Variants in RUVBL1 observed in about 807,000 individuals in gnomAD.
The protein encoded by RUVBL1 is ruvB-like 1.
In RUVBL1, 4 loss-of-function variants were observed where a neutral mutation model predicts 52.4. That is an observed-to-expected ratio of 0.08 (90% CI 0.04 to 0.17). The LOEUF (loss-of-function observed/expected upper bound fraction) is 0.17, where lower values mean the gene tolerates loss of function less well. RUVBL1 is among the 10% of genes least tolerant of loss of function. RUVBL1 has a pLI of 1.00. For synonymous variants in RUVBL1, 217 were observed against 214.4 expected (o/e 1.01, Z -0.10); for missense variants, 298 against 572.8 (o/e 0.52, Z 4.90).
intron 2 of RUVBL1, 75 bp from the exon 3 acceptor site, chr3:128,113,095 C>A (rs575527941): frequency 1.2e-5 from 19 of 1,533,516 alleles, no homozygotes; most frequent in African/African-American, 1.4e-5. Flanking sequence ...GCTACAGAAC[C>A]ACCAGGAACT....
At chr3:128,074,853 A>AAAAAAAAAAAAAC in intron 9 of RUVBL1, among the ~76,000 whole-genome samples, 1 of 151,746 alleles carries the variant, frequency 6.6e-6, no homozygotes, top group African/African-American at 2.4e-5. Flanking sequence ...AAAAAAAAAA[A>AAAAAAAAAAAAAC]AAAAAAAAAA....
intron 8 of RUVBL1, among the ~76,000 whole-genome samples, chr3:128,094,170 T>A (rs983522374): frequency 2.0e-5 from 3 of 151,954 alleles, no homozygotes; most frequent in African/African-American, 7.3e-5. Flanking sequence ...TTCAGAGAGG[T>A]CAAGGAACTC....
chr3:128,153,304 C>T lies in RUVBL1; in HGVS notation c.-141G>A. On this transcript the variant is annotated 5_prime_UTR_variant, in exon 1 of 10. Transcript: ENST00000464873. ...CCACGTGAGAGAGAAACCCTGCCTACGGTGACCTCCAGTTCCTAGACCACC... is the reference window on the plus strand; with the variant it reads ...CCACGTGAGAGAGAAACCCTGCCTATGGTGACCTCCAGTTCCTAGACCACC... 5 of 1,362,222 alleles carry T rather than the reference C, an allele frequency of 3.7e-6. No individual in the cohort carries two copies. In the South Asian group the frequency reaches 7.0e-5, roughly 19 times the overall value. The allele number at this position is 1,362,222 out of a possible 1,614,324, so 84.4% of individuals were successfully genotyped here.
intron 9 of RUVBL1, chr3:128,070,339 A>G (rs890287321): frequency 6.6e-6 from 1 of 152,236 alleles, no homozygotes; most frequent in Non-Finnish European, 1.5e-5. Context: ...GGTTGGGCTT[A>G]GAGTCTGCCT....
rs1943719765 is a variant in RUVBL1 at position 128,123,797 on chromosome 3, C to T, written c.-73G>A. ...GACAGTGCGCCCGGCGCCTGAGTTACCATGCGGCCGTTACTAGGGCAATTT... is the reference window on the plus strand; with the variant it reads ...GACAGTGCGCCCGGCGCCTGAGTTATCATGCGGCCGTTACTAGGGCAATTT... On this transcript the variant is annotated 5_prime_UTR_variant, in exon 1 of 11. Transcript: ENST00000322623. The T allele has an allele frequency of 7.3e-6, 11 of 1,497,138 alleles. No individual in the cohort carries two copies. The highest frequency in any genetic ancestry group is 2.8e-5 in the African/African-American group (2 of 72,092). 92.7% of individuals were successfully genotyped at this position (1,497,138 alleles called of 1,614,324 possible).
chr3:128,104,757 A>C lies in RUVBL1; in HGVS notation c.513+16T>G, dbSNP rs1012028554. On this transcript the variant is annotated intron_variant, in intron 4 of 10. Coordinates refer to ENST00000322623, the MANE Select transcript of RUVBL1 (RefSeq NM_003707.3). ...TGGGAGAGTCAAGGGAAAAGAGGCC[A>C]CATACATGTACTCACTTTCAACTGT... is the stretch of plus-strand genomic sequence containing the variant. The C allele has an allele frequency of 6.3e-7, 1 of 1,591,128 alleles. No individual in the cohort carries two copies. Among genetic ancestry groups the C allele is most frequent in the Middle Eastern group, 1.7e-4 (1 of 5,994 alleles).
chr3:128,152,630 T>C (rs538402195), intron 1 of RUVBL1, among the ~76,000 whole-genome samples: 21 of 152,288 alleles, frequency 1.4e-4, no homozygotes, highest in Non-Finnish European at 2.8e-4. Context: ...TGGTAAGATC[T>C]TGCTGAAATG....
Position 128,067,803 on chromosome 3 carries a change from T to C in RUVBL1, c.940-2583A>G, listed in dbSNP as rs1942029530. Reference sequence around the variant, plus strand: ...AGTAGATCAGCTGTGGGTATGAGAATCTGAATCCACACTGTAAAGTTAGAC... The same window carrying C: ...AGTAGATCAGCTGTGGGTATGAGAACCTGAATCCACACTGTAAAGTTAGAC... On this transcript the variant is annotated intron_variant, in intron 9 of 9. Transcript: ENST00000464873. This position sits in a 1 kb window ranked among gnomAD's most constrained non-coding sequence, Gnocchi z 4.1. The C allele has an allele frequency of 2.9e-6, 2 of 678,870 alleles. No homozygotes were observed. Among genetic ancestry groups the C allele is most frequent in the South Asian group, 1.8e-5 (1 of 55,790 alleles). The allele number at this position is 678,870 out of a possible 1,614,324, so 42.1% of individuals were successfully genotyped here.
intron 1 of RUVBL1, among the ~76,000 whole-genome samples, chr3:128,128,869 G>T (rs1943835713): frequency 6.6e-6 from 1 of 152,152 alleles, no homozygotes; most frequent in South Asian, 2.1e-4. Context: ...TCTAGCCAAG[G>T]CATCTTTACT....
chr3:128,140,513 G>T (rs1944007225), intron 1 of RUVBL1, among the ~76,000 whole-genome samples: 1 of 152,054 alleles, frequency 6.6e-6, no homozygotes. Flanking sequence ...AGATGATTTT[G>T]CTGACACCTT....
In RUVBL1 at chr3:128,082,376, A is replaced by G. The variant is rs1441542257; in HGVS notation, c.1211+107T>C. 5 of 800,240 alleles carry G rather than the reference A, an allele frequency of 6.2e-6. No individual in the cohort carries two copies. Among genetic ancestry groups the G allele is most frequent in the Non-Finnish European group, 8.6e-6 (4 of 466,756 alleles). 49.6% of individuals were successfully genotyped at this position (800,240 alleles called of 1,614,324 possible). A position where few individuals can be genotyped will look rare whatever the true frequency, so the allele number is the denominator to read the frequency against. The stretch of plus-strand genomic sequence containing the variant: ...ATCGCGCCAGGAAGAGCGGATGGAT[A>G]GAGTCCCATGCCCTAGGAAGGGACC... On this transcript the variant is annotated intron_variant, in intron 10 of 10. Coordinates refer to ENST00000322623, the MANE Select transcript of RUVBL1 (RefSeq NM_003707.3). The surrounding 1 kb of genome is among the most constrained non-coding windows in gnomAD (Gnocchi z 4.7).
intron 9 of RUVBL1, chr3:128,070,271 C>G (rs1374981636): frequency 6.6e-6 from 1 of 152,292 alleles, no homozygotes; most frequent in Non-Finnish European, 1.5e-5. Context: ...CCAGAAGACA[C>G]TCCTGGCCAT....
chr3:128,112,230 T>C (rs1943410778), intron 3 of RUVBL1, among the ~76,000 whole-genome samples: 1 of 152,214 alleles, frequency 6.6e-6, no homozygotes, highest in Admixed American at 6.5e-5. Context: ...GCAACGGCTC[T>C]AGAAATGAGA....
In RUVBL1 at chr3:128,134,458, C is replaced by CA. The variant is rs55972505; in HGVS notation, c.-39-15045dup. 8.0e-3 allele frequency among the ~76,000 whole-genome samples: 860 copies of CA among 107,564 alleles called. 19 individuals are homozygous for CA. The highest frequency in any genetic ancestry group is 0.024 in the African/African-American group (669 of 27,354). The allele number at this position is 107,564 out of a possible 152,430, so 70.6% of individuals were successfully genotyped here. A position where few individuals can be genotyped will look rare whatever the true frequency, so the allele number is the denominator to read the frequency against. Reference sequence around the variant, plus strand: ...GCCTGGGCAACAAGAGTGAAACTGTCAAAAAAAAAAAAAAAAAAGACAGGC... The same window carrying CA: ...GCCTGGGCAACAAGAGTGAAACTGTCAAAAAAAAAAAAAAAAAAAGACAGGC... On this transcript the variant is annotated intron_variant, in intron 1 of 9. Coordinates refer to the RUVBL1 transcript ENST00000464873.
chr3:128,133,985 C>T (rs567705330), intron 1 of RUVBL1, among the ~76,000 whole-genome samples: 4 of 152,016 alleles, frequency 2.6e-5, no homozygotes, highest in South Asian at 2.1e-4. Context: ...TTTGAGGAAG[C>T]GCAACGAAAT....
chr3:128,074,237 G>A (rs1392316746), intron 9 of RUVBL1, among the ~76,000 whole-genome samples: 2 of 152,132 alleles, frequency 1.3e-5, no homozygotes, highest in Non-Finnish European at 2.9e-5. Context: ...GGATCCACAG[G>A]GTGGCATTTT....
At chr3:128,105,854 TTTCC>T (rs1289754632) in intron 3 of RUVBL1, among the ~76,000 whole-genome samples, 22 of 144,252 alleles carry the variant, frequency 1.5e-4, no homozygotes, top group African/African-American at 5.5e-4. Flanking sequence ...TCTTTCTTTC[TTTCC>T]CTTTTTCTTT....
intron 1 of RUVBL1, among the ~76,000 whole-genome samples, chr3:128,152,528 G>A (rs564924252): frequency 5.2e-4 from 79 of 152,070 alleles, no homozygotes; most frequent in Non-Finnish European, 2.8e-4. Context: ...TCTCTGAAAT[G>A]GTCTGGTTCA....
chr3:128,081,490 C>G lies in RUVBL1; in HGVS notation c.1212-81G>C. Reference sequence around the variant, plus strand: ...CTTCCCCCCACATCAGTAGGCAGCACTGGCACCAGGAGCAGAGCCCAGTGC... The same window carrying G: ...CTTCCCCCCACATCAGTAGGCAGCAGTGGCACCAGGAGCAGAGCCCAGTGC... On this transcript the variant is annotated intron_variant, in intron 10 of 10. Transcript: ENST00000322623. This position sits in a 1 kb window ranked among gnomAD's most constrained non-coding sequence, Gnocchi z 4.8. 2.8e-6 allele frequency: 4 copies of G among 1,438,758 alleles called. No homozygotes were observed. The highest frequency in any genetic ancestry group is 2.6e-5 in the South Asian group (2 of 77,600). The allele number at this position is 1,438,758 out of a possible 1,614,324, so 89.1% of individuals were successfully genotyped here.
Sources: gnomAD v4.1 joint callset for allele counts (sites outside exome capture counted in the v4.1 genomes callset) on GRCh38, gnomAD v4.1.1 for gene constraint, Gnocchi (gnomAD v3.1) non-coding constraint, MANE v1.5 for transcripts, NCBI Gene and HGNC (gene_info 2026-07-23, HGNC 2026-07-21) for gene names.